CHD2: variants seen among roughly 807,000 people sequenced by gnomAD.
The protein encoded by CHD2 is ATP-dependent chromatin remodeler CHD2.
Under a neutral mutation model 243.9 loss-of-function variants are expected in CHD2, and 28 were observed. The observed-to-expected ratio is 0.11, with a 90% CI of 0.09 to 0.16. The LOEUF is 0.16. CHD2 is among the 10% of genes least tolerant of loss of function. CHD2 has a pLI of 1.00. For synonymous variants in CHD2, 775 were observed against 779.0 expected (o/e 0.99, Z 0.09); for missense variants, 1,386 against 2,209.8 (o/e 0.63, Z 7.47).
chr15:92,967,052 T>G (rs767985066), intron 16 of CHD2, among the ~76,000 whole-genome samples: 2 of 152,234 alleles, frequency 1.3e-5, no homozygotes, highest in Non-Finnish European at 2.9e-5. Flanking sequence ...GAGTAGTTAC[T>G]GAGTAGTTCT....
At chr15:92,954,769 G>A (rs2053597590) in intron 14 of CHD2, among the ~76,000 whole-genome samples, 2 of 152,104 alleles carry the variant, frequency 1.3e-5, no homozygotes, top group Non-Finnish European at 2.9e-5. Flanking sequence ...CCCACTTGGG[G>A]GCGATCACCT....
intron 2 of CHD2, among the ~76,000 whole-genome samples, chr15:92,909,803 C>T (rs114066659): frequency 0.013 from 2,030 of 152,038 alleles, 43 homozygotes; most frequent in African/African-American, 0.046. Flanking sequence ...AGATGTGAGC[C>T]ACCGTACCTG....
At position 93,009,210 on chromosome 15, in the gene CHD2, C is replaced by G. The variant is rs1468576695; in HGVS notation, c.4479C>G (p.Leu1493=). Residue 1493 remains leucine (L), a synonymous_variant, in exon 35 of 39, where the codon CTC becomes CTG. Coordinates refer to ENST00000394196, the MANE Select transcript of CHD2 (RefSeq NM_001271.4). The stretch of plus-strand genomic sequence containing the variant: ...AGCTCGACAAACCTGACAAGGGGCT[C>G]AACGTGCAAGAACAGCTGGAACACA... ...LKQLDKPDKG[L]NVQEQLEHTR... is the part of the protein sequence containing the mutation. 3.1e-6 allele frequency: 5 copies of G among 1,614,060 alleles called. No homozygotes were observed. The Admixed American group carries it at 8.3e-5, about 27-fold the overall frequency.
intron 34 of CHD2, among the ~76,000 whole-genome samples, chr15:93,008,103 G>A (rs1596454293): frequency 6.6e-6 from 1 of 152,218 alleles, no homozygotes; most frequent in East Asian, 1.9e-4. Context: ...GGATCATTTG[G>A]TGTTTCCTCT....
At chr15:92,943,900 A>C (rs1470120857) in intron 9 of CHD2, 1 of 152,306 alleles carries the variant, frequency 6.6e-6, no homozygotes, top group African/African-American at 2.4e-5. Flanking sequence ...TGTACCCCTT[A>C]GATGGTGAGG....
chr15:92,948,699 G>A (rs920117813), intron 12 of CHD2, among the ~76,000 whole-genome samples: 1 of 152,108 alleles, frequency 6.6e-6, no homozygotes, highest in African/African-American at 2.4e-5. Flanking sequence ...GGCGTGGGTG[G>A]TGGCGGGCGC....
In CHD2 at chr15:92,943,003, A is replaced by G. The variant is rs758605280; in HGVS notation, c.987A>G (p.Gln329=). 5.0e-6 allele frequency: 8 copies of G among 1,614,022 alleles called. No homozygotes were observed. The African/African-American group carries it at 9.3e-5, about 19-fold the overall frequency. ...STWESEESLQ[Q]QKVKGLKKLE... Reference sequence around the variant, plus strand: ...GGGAGAGTGAAGAATCCTTACAGCAACAGAAAGTGAAGGGCCTAAAAAAAC... The same window carrying G: ...GGGAGAGTGAAGAATCCTTACAGCAGCAGAAAGTGAAGGGCCTAAAAAAAC... The change falls in exon 9 of 39, where the codon CAA becomes CAG. Residue 329 remains glutamine, a synonymous_variant. Coordinates refer to ENST00000394196, the MANE Select transcript of CHD2 (RefSeq NM_001271.4).
Position 93,020,055 on chromosome 15 carries a change from T to TGGC in CHD2, c.4951_4953dup (p.Gly1651dup). The TGGC allele has an allele frequency of 1.2e-6, 2 of 1,614,026 alleles. No homozygotes were observed. The highest frequency in any genetic ancestry group is 1.7e-6 in the Non-Finnish European group (2 of 1,179,972). ...GGGAAAGAAAGTTCAACTATGGTGG[T>TGGC]GGCAACAACAATCCACCATGGGGAA... is the stretch of plus-strand genomic sequence containing the variant. On this transcript the variant is annotated inframe_insertion, in exon 38 of 39. Coordinates refer to ENST00000394196, the MANE Select transcript of CHD2 (RefSeq NM_001271.4).
At chr15:92,985,721 GT>G (rs1220121234) in intron 26 of CHD2, 48 bp downstream of exon 26, 1 of 1,565,412 alleles carries the variant, frequency 6.4e-7, no homozygotes, top group Non-Finnish European at 8.7e-7. Context: ...AGTGCGTACT[GT>G]AAGTCTTGGG....
At chr15:92,928,025 CAATGA>C (rs1027267215) in intron 4 of CHD2, among the ~76,000 whole-genome samples, 66 of 152,280 alleles carry the variant, frequency 4.3e-4, no homozygotes, top group African/African-American at 1.4e-3. Context: ...TCTTTTGTCT[CAATGA>C]AATGTCTACT....
intron 2 of CHD2, among the ~76,000 whole-genome samples, chr15:92,912,897 G>A (rs1171831707): frequency 1.3e-5 from 2 of 152,186 alleles, no homozygotes; most frequent in African/African-American, 4.8e-5. Flanking sequence ...ATGCAGGTTG[G>A]CATTCAAATA....
At chr15:92,903,318 T>G (rs989849611) in intron 2 of CHD2, among the ~76,000 whole-genome samples, 7 of 152,186 alleles carry the variant, frequency 4.6e-5, no homozygotes, top group African/African-American at 1.4e-4. Context: ...GTATAGTGTT[T>G]AGGGAATACT....
At chr15:92,901,435 C>T in intron 2 of CHD2, 136 bp downstream of exon 2, 1 of 657,022 alleles carries the variant, frequency 1.5e-6, no homozygotes, top group Non-Finnish European at 2.7e-6. Context: ...TTTTTTAAAG[C>T]ATGACCTTGA....
intron 16 of CHD2, among the ~76,000 whole-genome samples, chr15:92,956,938 A>G (rs1031141890): frequency 4.6e-5 from 7 of 152,214 alleles, no homozygotes; most frequent in Non-Finnish European, 7.4e-5. Flanking sequence ...CACTGTTGGT[A>G]TAAGATAATC....
At chr15:92,935,211 T>C (rs1359683931) in intron 5 of CHD2, among the ~76,000 whole-genome samples, 1 of 152,118 alleles carries the variant, frequency 6.6e-6, no homozygotes, top group African/African-American at 2.4e-5. Context: ...AATTGTTTTG[T>C]ATTTTTAGTA....
In CHD2 at chr15:93,020,229, C is replaced by T. The variant is rs768703416; in HGVS notation, c.5124C>T (p.Asp1708=). The T allele has an allele frequency of 1.9e-6, 3 of 1,613,998 alleles. No individual in the cohort carries two copies. The highest frequency in any genetic ancestry group is 2.5e-6 in the Non-Finnish European group (3 of 1,180,030). Residue 1708 remains aspartate, a synonymous_variant, in exon 38 of 39, where the codon GAC becomes GAT. Coordinates refer to ENST00000394196, the MANE Select transcript of CHD2 (RefSeq NM_001271.4). ...ATGACCAGTACAGCAGTGACCGAGA[C>T]CACCGGGGACACAGAGATTATTATG... is the stretch of plus-strand genomic sequence containing the variant. The part of the protein sequence containing the change: ...RPYDQYSSDR[D]HRGHRDYYDR...
At chr15:92,913,976 C>T (rs2052788667) in intron 2 of CHD2, among the ~76,000 whole-genome samples, 1 of 152,226 alleles carries the variant, frequency 6.6e-6, no homozygotes, top group Non-Finnish European at 1.5e-5. Flanking sequence ...CTCTTACTCC[C>T]ATGACGTTAT....
intron 19 of CHD2, chr15:92,974,185 TGTGTCAATG>T (rs777113290): frequency 2.0e-5 from 3 of 152,252 alleles, no homozygotes; most frequent in Non-Finnish European, 4.4e-5. Context: ...TAGTATTTTA[TGTGTCAATG>T]GTTTCTCTAT....
At chr15:92,991,184 G>A (rs905741832) in intron 26 of CHD2, among the ~76,000 whole-genome samples, 4 of 152,106 alleles carry the variant, frequency 2.6e-5, no homozygotes, top group African/African-American at 9.7e-5. Flanking sequence ...CTTCTAAAAA[G>A]GATATTAGAG....
Sources: allele counts gnomAD v4.1 joint callset (sites outside exome capture counted in the v4.1 genomes callset), GRCh38; gene constraint gnomAD v4.1.1; transcripts MANE v1.5; gene names NCBI Gene and HGNC (gene_info 2026-07-23, HGNC 2026-07-21).